Variants in ARFGEF2 observed in about 807,000 individuals in gnomAD.
ARFGEF2 encodes ARF guanine nucleotide exchange factor 2.
In ARFGEF2, 74 loss-of-function variants were observed where a neutral mutation model predicts 219.9. That is an observed-to-expected ratio of 0.34 (90% CI 0.28 to 0.41). ARFGEF2 has a LOEUF of 0.41. Ranked by LOEUF, ARFGEF2 falls within the 10% of genes least tolerant of loss-of-function variation. The pLI, the probability that ARFGEF2 is intolerant of heterozygous loss-of-function variation, is 1.00. For missense variants in ARFGEF2, 1,743 were observed against 2,218.3 expected (o/e 0.79, Z 4.30); for synonymous variants, 733 against 799.2 (o/e 0.92, Z 1.40).
At chr20:49,031,119 CATTG>C (rs1184143553) in intron 37 of ARFGEF2, among the ~76,000 whole-genome samples, 2 of 151,360 alleles carry the variant, frequency 1.3e-5, no homozygotes, top group African/African-American at 4.8e-5. Flanking sequence ...GTGCTACAGA[CATTG>C]ATTGAGTTCA....
At position 49,033,579 on chromosome 20, in the gene ARFGEF2, T is replaced by A. The variant is rs545665112; in HGVS notation, c.*380T>A. The A allele has an allele frequency of 4.7e-5, 9 of 191,764 alleles. No homozygotes were observed. The highest frequency in any genetic ancestry group is 1.0e-4 in the Non-Finnish European group (9 of 90,432). 11.9% of individuals were successfully genotyped at this position (191,764 alleles called of 1,614,324 possible). ...TGAACATAGCTGTATAGGTTTGTGA[T>A]TATTAGAGAATATGTTAATAAAACT... On this transcript the variant is annotated 3_prime_UTR_variant, in exon 39 of 39. Transcript: ENST00000371917.
At chr20:48,934,961 A>AC (rs1223766999) in intron 1 of ARFGEF2, among the ~76,000 whole-genome samples, 3 of 151,732 alleles carry the variant, frequency 2.0e-5, no homozygotes, top group Non-Finnish European at 4.4e-5. Flanking sequence ...ACTAATTTAC[A>AC]CTCCCACCAA....
Position 49,032,047 on chromosome 20 carries a change from A to G in ARFGEF2, c.5064-2A>G. The G allele has an allele frequency of 6.2e-7, 1 of 1,607,290 alleles. No individual in the cohort carries two copies. Among genetic ancestry groups the G allele is most frequent in the Non-Finnish European group, 8.5e-7 (1 of 1,173,810 alleles). ...ATGCCTCCCCCTCTCTAATTCTTCT[A>G]GTGTTTGCAGTGAAGCTCTTGCCTA... On this transcript the variant is annotated splice_acceptor_variant, in intron 37 of 38. Coordinates refer to ENST00000371917, the MANE Select transcript of ARFGEF2 (RefSeq NM_006420.3). LOFTEE classifies it high-confidence loss of function.
At position 48,952,784 on chromosome 20, in the gene ARFGEF2, A is replaced by G. The variant is rs2091079406; in HGVS notation, c.503A>G (p.Asn168Ser). The change falls in exon 5 of 39, where the codon AAT (asparagine) becomes AGT (serine). Residue 168 changes from asparagine (N) to serine (S), a missense_variant. Transcript: ENST00000371917. ...TILQTVRTCY[N>S]IYLASKNLIN... ...CTGCAGACAGTGAGAACATGTTACA[A>G]TATCTATTTGGCCAGCAAAAATCTC... 6.2e-7 allele frequency: 1 copy of G among 1,614,198 alleles called. No individual in the cohort carries two copies.
chr20:48,975,335 A>C (rs954388045), intron 13 of ARFGEF2, among the ~76,000 whole-genome samples: 1 of 152,162 alleles, frequency 6.6e-6, no homozygotes, highest in Non-Finnish European at 1.5e-5. Context: ...GACGTGAGCC[A>C]CTGTGCCTGG....
At chr20:49,015,725 T>C (rs2091525709) in intron 30 of ARFGEF2, among the ~76,000 whole-genome samples, 1 of 152,250 alleles carries the variant, frequency 6.6e-6, no homozygotes, top group Non-Finnish European at 1.5e-5. Flanking sequence ...ATTCCAGGTC[T>C]TCTCATTTTA....
intron 13 of ARFGEF2, among the ~76,000 whole-genome samples, chr20:48,975,800 C>CAAAAAAAAAAAAAAAAA (rs1057511883): frequency 8.9e-6 from 1 of 112,214 alleles, no homozygotes; most frequent in Non-Finnish European, 1.7e-5. Context: ...GACTCCATCT[C>CAAAAAAAAAAAAAAAAA]AAAAAAAAAA....
At chr20:48,946,211 T>C (rs2091025458) in intron 3 of ARFGEF2, among the ~76,000 whole-genome samples, 1 of 152,190 alleles carries the variant, frequency 6.6e-6, no homozygotes. Flanking sequence ...TCCTTGAGCT[T>C]GGCGCAGCAG....
intron 4 of ARFGEF2, among the ~76,000 whole-genome samples, chr20:48,952,063 C>T (rs1352459149): frequency 1.3e-5 from 2 of 150,940 alleles, no homozygotes; most frequent in Non-Finnish European, 2.9e-5. Context: ...GGTGAGATCA[C>T]GTTGGAGTGT....
intron 34 of ARFGEF2, among the ~76,000 whole-genome samples, chr20:49,020,035 A>C (rs777961454): frequency 6.6e-6 from 1 of 152,238 alleles, no homozygotes; most frequent in African/African-American, 2.4e-5. Flanking sequence ...TCCTCATAGT[A>C]GCCTTTGAAG....
At chr20:49,004,510 GA>G (rs1050389053) in intron 25 of ARFGEF2, among the ~76,000 whole-genome samples, 13 of 151,600 alleles carry the variant, frequency 8.6e-5, no homozygotes, top group African/African-American at 3.1e-4. Context: ...AAAAAGAAAA[GA>G]AAAAAATAGG....
intron 27 of ARFGEF2, 32 bp from the exon 28 acceptor site, chr20:49,011,892 T>TGAAA: frequency 6.2e-7 from 1 of 1,613,956 alleles, no homozygotes; most frequent in Non-Finnish European, 8.5e-7. Flanking sequence ...TAAATCCTGG[T>TGAAA]CTTATGAAAA....
Position 49,028,515 on chromosome 20 carries a change from C to T in ARFGEF2, c.4925-15C>T, listed in dbSNP as rs2091616268. ...TTAGAAATGTGCACTAATTATATGACTGTCTGATCTCTAGGTTTTAAGGGC... is the reference window on the plus strand; with the variant it reads ...TTAGAAATGTGCACTAATTATATGATTGTCTGATCTCTAGGTTTTAAGGGC... On this transcript the variant is annotated splice_polypyrimidine_tract_variant and intron_variant, in intron 36 of 38. Transcript: ENST00000371917. 2 of 1,613,320 alleles carry T rather than the reference C, an allele frequency of 1.2e-6. No homozygotes were observed. The highest frequency in any genetic ancestry group is 2.2e-5 in the East Asian group (1 of 44,874).
At chr20:48,983,970 TTGGGAGGCTAAGG>T (rs1282034850) in intron 14 of ARFGEF2, among the ~76,000 whole-genome samples, 6 of 151,558 alleles carry the variant, frequency 4.0e-5, no homozygotes, top group African/African-American at 7.3e-5. Flanking sequence ...TCCCAGCACG[TTGGGAGGCTAAGG>T]TGGGAGGATC....
chr20:48,933,206 C>A (rs144377950), intron 1 of ARFGEF2, among the ~76,000 whole-genome samples: 1 of 152,304 alleles, frequency 6.6e-6, no homozygotes, highest in African/African-American at 2.4e-5. Context: ...GCCCCATTGG[C>A]AGTTGGGAAG....
At chr20:48,961,083 TATAATAATA>T (rs371551603) in intron 6 of ARFGEF2, among the ~76,000 whole-genome samples, 5 of 144,008 alleles carry the variant, frequency 3.5e-5, no homozygotes, top group African/African-American at 7.5e-5. Context: ...TGTCTCAAAA[TATAATAATA>T]ATAATAATAA....
At chr20:48,980,235 A>G (rs1212583618) in intron 14 of ARFGEF2, among the ~76,000 whole-genome samples, 1 of 152,126 alleles carries the variant, frequency 6.6e-6, no homozygotes, top group Non-Finnish European at 1.5e-5. Context: ...TAATTTCGTT[A>G]TGTACCCAGT....
chr20:48,924,939 T>G, intron 1 of ARFGEF2, among the ~76,000 whole-genome samples: 1 of 152,228 alleles, frequency 6.6e-6, no homozygotes, highest in East Asian at 1.9e-4. Context: ...TTGCTATTAC[T>G]TTTTTATTAT....
chr20:49,009,840 C>T (rs191885238), intron 26 of ARFGEF2, among the ~76,000 whole-genome samples: 19 of 152,086 alleles, frequency 1.2e-4, no homozygotes, highest in Non-Finnish European at 2.5e-4. Context: ...ATGTTTTTGG[C>T]CAGAAAAACT....
Sources: gnomAD v4.1 joint callset for allele counts (sites outside exome capture counted in the v4.1 genomes callset) on GRCh38, gnomAD v4.1.1 for gene constraint, MANE v1.5 for transcripts, NCBI Gene and HGNC (gene_info 2026-07-23, HGNC 2026-07-21) for gene names.